Variants in MNAT1 observed in about 807,000 individuals in gnomAD.
The protein encoded by MNAT1 is CDK-activating kinase assembly factor MAT1.
MNAT1 carries 43 observed loss-of-function variants against 42.0 expected under a neutral mutation model. That is an observed-to-expected ratio of 1.02 (90% CI 0.80 to 1.32). The LOEUF is 1.32. Ranked by LOEUF, MNAT1 falls within the 40% of genes most tolerant of loss-of-function variation. The probability of loss-of-function intolerance (pLI) is 0.00; values close to 1 mark genes in which losing one functional copy is unlikely to be tolerated. For missense variants in MNAT1, 306 were observed against 350.4 expected, an observed-to-expected ratio of 0.87 and a Z score of 1.01; for synonymous variants, 118 against 120.0, an observed-to-expected ratio of 0.98 and a Z score of 0.11.
intron 7 of MNAT1, among the ~76,000 whole-genome samples, chr14:60,914,410 C>T (rs2035465724): frequency 6.6e-6 from 1 of 152,056 alleles, no homozygotes; most frequent in South Asian, 2.1e-4. Context: ...CTGTCTTCTG[C>T]ATTGCTCACG....
chr14:60,734,787 G>A lies in MNAT1; in HGVS notation c.-76G>A. On this transcript the variant is annotated 5_prime_UTR_variant, in exon 1 of 8. Transcript: ENST00000261245. This position sits in a 1 kb window ranked among gnomAD's most constrained non-coding sequence, Gnocchi z 4.3. Reference sequence around the variant, plus strand: ...AGCGCCTGTTGGTAGGAACCTGCTTGGTCGCGTCTGAGGGGGCTTGTAGGT... The same window carrying A: ...AGCGCCTGTTGGTAGGAACCTGCTTAGTCGCGTCTGAGGGGGCTTGTAGGT... 2.2e-6 allele frequency: 3 copies of A among 1,376,724 alleles called. No individual in the cohort carries two copies. The highest frequency in any genetic ancestry group is 2.8e-5 in the African/African-American group (2 of 70,354). 85.3% of individuals were successfully genotyped at this position (1,376,724 alleles called of 1,614,324 possible).
intron 7 of MNAT1, among the ~76,000 whole-genome samples, chr14:60,911,760 A>G (rs934139520): frequency 1.3e-5 from 2 of 152,148 alleles, no homozygotes; most frequent in Non-Finnish European, 2.9e-5. Flanking sequence ...CAGTTTTGGA[A>G]TAGGTGTGGT....
At chr14:60,869,040 A>ATATATATATATATATATTT (rs1465360826) in intron 6 of MNAT1, among the ~76,000 whole-genome samples, 45 of 113,026 alleles carry the variant, frequency 4.0e-4, no homozygotes, top group Non-Finnish European at 5.3e-4. Context: ...ATATATATAT[A>ATATATATATATATATATTT]TTTTTTTTTT....
At chr14:60,816,752 G>T (rs532558495) in intron 5 of MNAT1, among the ~76,000 whole-genome samples, 2 of 152,062 alleles carry the variant, frequency 1.3e-5, no homozygotes, top group Admixed American at 1.3e-4. Context: ...TTTGTTGTTG[G>T]AACTCCTACT....
intron 7 of MNAT1, among the ~76,000 whole-genome samples, chr14:60,905,532 G>A (rs1436899257): frequency 2.0e-5 from 3 of 152,162 alleles, no homozygotes; most frequent in Non-Finnish European, 4.4e-5. Flanking sequence ...CAGCAACCAG[G>A]AGAACCAGGG....
intron 7 of MNAT1, among the ~76,000 whole-genome samples, chr14:60,930,212 A>C (rs963032641): frequency 7.1e-6 from 1 of 141,110 alleles, no homozygotes; most frequent in African/African-American, 2.7e-5. Flanking sequence ...CGTCTTTATT[A>C]TTATTATTAT....
chr14:60,878,215 T>G (rs922074620), intron 6 of MNAT1, among the ~76,000 whole-genome samples: 1 of 152,034 alleles, frequency 6.6e-6, no homozygotes, highest in African/African-American at 2.4e-5. Flanking sequence ...AATATAAACT[T>G]TAGTTCTCAA....
rs148203656 is a variant in MNAT1, at chr14:60,832,042, T to A, written c.687+13195T>A. Among the ~76,000 whole-genome samples, 3 of 152,340 alleles carry A rather than the reference T, an allele frequency of 2.0e-5. No individual in the cohort carries two copies. The East Asian group carries it at 5.8e-4, about 29-fold the overall frequency. ...ATGGGATTGTTTGTTTTTTTTCTTGTAAATTTGTGTAAGTTCCTTGTGGAT... is the reference window on the plus strand; with the variant it reads ...ATGGGATTGTTTGTTTTTTTTCTTGAAAATTTGTGTAAGTTCCTTGTGGAT... On this transcript the variant is annotated intron_variant, in intron 6 of 7. Coordinates refer to ENST00000261245, the MANE Select transcript of MNAT1 (RefSeq NM_002431.4).
chr14:60,931,155 G>C (rs1242379528), intron 7 of MNAT1, among the ~76,000 whole-genome samples: 1 of 152,278 alleles, frequency 6.6e-6, no homozygotes, highest in Non-Finnish European at 1.5e-5. Flanking sequence ...CTTGGCCACT[G>C]ACTTCAGGTG....
intron 7 of MNAT1, among the ~76,000 whole-genome samples, chr14:60,894,221 A>G: frequency 6.8e-6 from 1 of 147,734 alleles, no homozygotes; most frequent in Non-Finnish European, 1.5e-5. Context: ...TAGGTTTTCT[A>G]CCCCTCCTCC....
At chr14:60,866,253 A>G (rs2034199398) in intron 6 of MNAT1, among the ~76,000 whole-genome samples, 1 of 151,462 alleles carries the variant, frequency 6.6e-6, no homozygotes, top group Non-Finnish European at 1.5e-5. Flanking sequence ...GCACAGAACA[A>G]TGTACAGTAT....
chr14:60,852,243 G>A (rs866653180), intron 6 of MNAT1, among the ~76,000 whole-genome samples: 6 of 152,118 alleles, frequency 3.9e-5, no homozygotes, highest in African/African-American at 7.2e-5. Context: ...GTGTGAGATG[G>A]TATCTCATTG....
chr14:60,790,814 A>G (rs952092631), intron 1 of MNAT1, among the ~76,000 whole-genome samples: 2 of 152,214 alleles, frequency 1.3e-5, no homozygotes, highest in African/African-American at 4.8e-5. Context: ...TCTATGTAGT[A>G]AGGAAAATAA....
intron 6 of MNAT1, among the ~76,000 whole-genome samples, chr14:60,847,769 A>G (rs2033717073): frequency 6.6e-6 from 1 of 152,162 alleles, no homozygotes; most frequent in Non-Finnish European, 1.5e-5. Context: ...ATGCATATTG[A>G]CTTATTACAA....
chr14:60,737,399 GTA>G (rs939379313), intron 1 of MNAT1, among the ~76,000 whole-genome samples: 12 of 151,154 alleles, frequency 7.9e-5, no homozygotes, highest in Admixed American at 2.0e-4. Flanking sequence ...ATATATGTGT[GTA>G]TATATATATA....
intron 1 of MNAT1, among the ~76,000 whole-genome samples, chr14:60,765,889 A>G (rs983120542): frequency 6.6e-6 from 1 of 152,220 alleles, no homozygotes; most frequent in Admixed American, 6.5e-5. Context: ...GCCTCTATAA[A>G]TTTAAAACCT....
At chr14:60,766,126 G>C (rs1209150381) in intron 1 of MNAT1, among the ~76,000 whole-genome samples, 3 of 152,064 alleles carry the variant, frequency 2.0e-5, no homozygotes, top group Non-Finnish European at 4.4e-5. Context: ...TAGGCGGGTA[G>C]ATCACAAGGT....
chr14:60,882,958 G>C (rs906989425), intron 7 of MNAT1, among the ~76,000 whole-genome samples: 4 of 152,080 alleles, frequency 2.6e-5, no homozygotes, highest in African/African-American at 4.8e-5. Context: ...TGAGTTGTTT[G>C]AGTTCCTTAC....
At chr14:60,799,173 AG>A in intron 3 of MNAT1, 1 of 850,210 alleles carries the variant, frequency 1.2e-6, no homozygotes, top group Non-Finnish European at 1.4e-6. Context: ...AACATAATTT[AG>A]GGTTTCTCTG....
Sources: gnomAD v4.1 joint callset for allele counts (sites outside exome capture counted in the v4.1 genomes callset) on GRCh38, gnomAD v4.1.1 for gene constraint, Gnocchi (gnomAD v3.1) non-coding constraint, MANE v1.5 for transcripts, NCBI Gene and HGNC (gene_info 2026-07-23, HGNC 2026-07-21) for gene names.